The following FAM47E variants were observed in gnomAD, a reference collection of about 807,000 sequenced individuals.
FAM47E encodes the protein family with sequence similarity 47 member E, also known as protein FAM47E.
FAM47E carries 32 observed loss-of-function variants against 41.6 expected under a neutral mutation model. The ratio of observed to expected loss-of-function variants is 0.77; its 90% confidence interval spans 0.58 to 1.03. The LOEUF (loss-of-function observed/expected upper bound fraction) is 1.03. FAM47E is among the 50% of genes least tolerant of loss of function. The pLI, the probability that FAM47E is intolerant of heterozygous loss-of-function variation, is 0.00. For missense variants in FAM47E, 424 were observed against 485.4 expected (o/e 0.87, Z 1.19); for synonymous variants, 184 against 188.7 (o/e 0.98, Z 0.20).
intron 2 of FAM47E, among the ~76,000 whole-genome samples, chr4:76,232,056 CAGAT>C (rs1372685783): frequency 6.6e-6 from 1 of 152,150 alleles, no homozygotes; most frequent in Non-Finnish European, 1.5e-5. Context: ...TGAATACTCA[CAGAT>C]AGTTTTCAAA....
intron 2 of FAM47E, among the ~76,000 whole-genome samples, chr4:76,246,438 G>T (rs542203533): frequency 4.6e-5 from 7 of 152,028 alleles, no homozygotes; most frequent in Non-Finnish European, 1.0e-4. Context: ...GCAGACTTTA[G>T]GGTGCCCTAG....
In FAM47E at chr4:76,231,152, C is replaced by T. The variant is rs562269595; in HGVS notation, c.81+13464C>T. 3.3e-5 allele frequency among the ~76,000 whole-genome samples: 5 copies of T among 152,314 alleles called. No individual in the cohort carries two copies. The East Asian group carries it at 7.7e-4, about 24-fold the overall frequency. The stretch of plus-strand genomic sequence containing the variant: ...AGAGGAAAGGATGTCTTGTGACACA[C>T]CCAGATGACTGATAGCTATAGTTAT... On this transcript the variant is annotated intron_variant, in intron 2 of 7. Coordinates refer to the FAM47E transcript ENST00000510197.
In FAM47E at chr4:76,271,699, G is replaced by T. The variant is rs1182254921; in HGVS notation, c.801G>T (p.Gly267=). Residue 267 remains glycine (G), a synonymous_variant, in exon 5 of 8, where the codon GGG becomes GGT. Coordinates refer to ENST00000424749, the MANE Select transcript of FAM47E (RefSeq NM_001136570.3). ...CTCTGGAGCTAAAGCGTAGTGTGGG[G>T]CTCAGTAAACTGCAGGAGACAGAGT... ...QVPLELKRSV[G]LSKLQETEFF... 6.4e-7 allele frequency: 1 copy of T among 1,551,804 alleles called. No individual in the cohort carries two copies. Among genetic ancestry groups the T allele is most frequent in the South Asian group, 1.2e-5 (1 of 84,054 alleles).
chr4:76,269,614 T>C (rs2110017936), intron 4 of FAM47E: 1 of 100,344 alleles, frequency 1.0e-5, no homozygotes, highest in African/African-American at 3.0e-5. Context: ...AGACTCCGTC[T>C]TAAAAAAATA....
chr4:76,262,811 G>A (rs1734474758), intron 2 of FAM47E, among the ~76,000 whole-genome samples: 1 of 152,092 alleles, frequency 6.6e-6, no homozygotes, highest in African/African-American at 2.4e-5. Context: ...CACCTAAGCT[G>A]GAGTGTAGTG....
At chr4:76,215,722 G>C (rs540313575) in intron 1 of FAM47E, among the ~76,000 whole-genome samples, 1 of 152,012 alleles carries the variant, frequency 6.6e-6, no homozygotes, top group Non-Finnish European at 1.5e-5. Flanking sequence ...TCAGCTACCC[G>C]GAGACTGCTG....
At chr4:76,240,541 A>G (rs1044983740) in intron 2 of FAM47E, among the ~76,000 whole-genome samples, 8 of 152,088 alleles carry the variant, frequency 5.3e-5, no homozygotes, top group African/African-American at 1.9e-4. Context: ...GGGCTGTTTG[A>G]CGATGTCCTA....
intron 2 of FAM47E, among the ~76,000 whole-genome samples, chr4:76,222,374 G>A (rs1433842805): frequency 6.6e-6 from 1 of 152,134 alleles, no homozygotes; most frequent in African/African-American, 2.4e-5. Flanking sequence ...CTATAGGCGT[G>A]AGCCACCATG....
chr4:76,262,148 A>G (rs79408435), intron 2 of FAM47E, among the ~76,000 whole-genome samples: 4,450 of 152,274 alleles, frequency 0.029, 123 homozygotes, highest in African/African-American at 0.081. Flanking sequence ...AGAGGGGAAA[A>G]TGTAATAGGG....
At chr4:76,251,949 G>A in intron 1 of FAM47E, 129 bp downstream of exon 1, 1 of 1,212,366 alleles carries the variant, frequency 8.2e-7, no homozygotes, top group Non-Finnish European at 1.1e-6. Context: ...AATGCTTCCT[G>A]TACGTACAAC....
intron 2 of FAM47E, among the ~76,000 whole-genome samples, chr4:76,243,080 C>T (rs889642328): frequency 3.9e-5 from 6 of 152,198 alleles, no homozygotes; most frequent in African/African-American, 1.4e-4. Flanking sequence ...GCCCTATTTT[C>T]TGCCATGTAA....
At chr4:76,275,585 C>T (rs1735062520) in intron 5 of FAM47E, among the ~76,000 whole-genome samples, 1 of 152,102 alleles carries the variant, frequency 6.6e-6, no homozygotes, top group Non-Finnish European at 1.5e-5. Flanking sequence ...GTGGGGTCAA[C>T]AGGTAAATGA....
At chr4:76,257,008 G>A (rs1337957685) in intron 2 of FAM47E, among the ~76,000 whole-genome samples, 3 of 152,168 alleles carry the variant, frequency 2.0e-5, no homozygotes, top group African/African-American at 7.2e-5. Flanking sequence ...GGGCTGGACA[G>A]CAGCAGCTCT....
At chr4:76,232,624 A>G (rs1242209476) in intron 2 of FAM47E, among the ~76,000 whole-genome samples, 1 of 152,198 alleles carries the variant, frequency 6.6e-6, no homozygotes, top group Non-Finnish European at 1.5e-5. Context: ...ATGTATTAAT[A>G]TTACTCACAA....
At chr4:76,219,526 G>T (rs906325208) in intron 2 of FAM47E, among the ~76,000 whole-genome samples, 13 of 152,150 alleles carry the variant, frequency 8.5e-5, no homozygotes, top group Non-Finnish European at 1.8e-4. Flanking sequence ...TAAACAACAC[G>T]AGAGGTCACA....
chr4:76,239,286 AC>A (rs1276180047), intron 2 of FAM47E, among the ~76,000 whole-genome samples: 1 of 152,062 alleles, frequency 6.6e-6, no homozygotes, highest in Non-Finnish European at 1.5e-5. Flanking sequence ...TGGTAATTCT[AC>A]TTTTAGTTTT....
intron 2 of FAM47E, among the ~76,000 whole-genome samples, chr4:76,259,017 A>G (rs570602357): frequency 7.2e-5 from 11 of 152,326 alleles, no homozygotes; most frequent in African/African-American, 2.6e-4. Flanking sequence ...GGATGTCCCC[A>G]GAGGAGATTA....
intron 5 of FAM47E, among the ~76,000 whole-genome samples, chr4:76,274,369 C>T (rs1311487683): frequency 6.6e-6 from 1 of 151,948 alleles, no homozygotes; most frequent in Non-Finnish European, 1.5e-5. Flanking sequence ...GCCAGAAGTT[C>T]AAGATCAGTT....
chr4:76,221,444 G>A (rs1428187983), intron 2 of FAM47E, among the ~76,000 whole-genome samples: 10 of 152,148 alleles, frequency 6.6e-5, no homozygotes, highest in African/African-American at 1.2e-4. Flanking sequence ...TCAGCCTCCC[G>A]AGTAGCTGGG....
Sources: gnomAD v4.1 joint callset for allele counts (sites outside exome capture counted in the v4.1 genomes callset) on GRCh38, gnomAD v4.1.1 for gene constraint, MANE v1.5 for transcripts, NCBI Gene and HGNC (gene_info 2026-07-23, HGNC 2026-07-21) for gene names.